HPSE2: variants seen among roughly 807,000 people sequenced by gnomAD.
HPSE2 encodes the protein heparanase 2 (inactive), also known as inactive heparanase-2.
Under a neutral mutation model 60.5 loss-of-function variants are expected in HPSE2, and 38 were observed. That is an observed-to-expected ratio of 0.63 (90% CI 0.48 to 0.82). The LOEUF (loss-of-function observed/expected upper bound fraction) is 0.82. Among genes scored for constraint, HPSE2 ranks in the 40% least tolerant of loss-of-function variants. The pLI is 0.00. For synonymous variants in HPSE2, 295 were observed against 293.2 expected (o/e 1.01, Z -0.06); for missense variants, 713 against 740.4 (o/e 0.96, Z 0.43).
intron 3 of HPSE2, among the ~76,000 whole-genome samples, chr10:99,121,492 TTTAAC>T (rs1351727634): frequency 1.3e-5 from 2 of 151,760 alleles, no homozygotes; most frequent in Admixed American, 6.6e-5. Flanking sequence ...AAAAAAAGTG[TTTAAC>T]TTAAAAGAAA....
At chr10:99,167,499 T>C (rs1319207354) in intron 2 of HPSE2, among the ~76,000 whole-genome samples, 1 of 152,240 alleles carries the variant, frequency 6.6e-6, no homozygotes, top group Non-Finnish European at 1.5e-5. Context: ...CCAATTTTTC[T>C]AGTCTCATTT....
intron 3 of HPSE2, among the ~76,000 whole-genome samples, chr10:99,057,210 A>T (rs949536): frequency 0.16 from 24,456 of 152,096 alleles, 2,292 homozygotes; most frequent in Admixed American, 0.23. Flanking sequence ...TTTTACTTCA[A>T]TTTTTTAAAG....
intron 3 of HPSE2, among the ~76,000 whole-genome samples, chr10:99,019,384 T>A (rs1340062681): frequency 6.6e-6 from 1 of 152,210 alleles, no homozygotes; most frequent in East Asian, 1.9e-4. Flanking sequence ...TAATTTCTCC[T>A]GCAGAATTCT....
intron 3 of HPSE2, among the ~76,000 whole-genome samples, chr10:98,778,298 A>AGAGAGAGAGAGAGAGAGAGAGAGAC (rs1950390952): frequency 3.4e-5 from 1 of 29,352 alleles, no homozygotes. Context: ...GAGAGAGAGA[A>AGAGAGAGAGAGAGAGAGAGAGAGAC]AGCAAGAAAG....
chr10:99,285,184 C>G, the HPSE2 span, among the ~76,000 whole-genome samples: 2 of 151,778 alleles, frequency 1.3e-5, no homozygotes, highest in African/African-American at 2.4e-5. Context: ...AATCCCAACA[C>G]TTTGGCAGGC....
chr10:99,265,909 G>A, the HPSE2 span, among the ~76,000 whole-genome samples: 1 of 152,168 alleles, frequency 6.6e-6, no homozygotes, highest in Non-Finnish European at 1.5e-5. Flanking sequence ...GACCTTACCT[G>A]GAGCAGAGAC....
intron 3 of HPSE2, among the ~76,000 whole-genome samples, chr10:98,881,341 G>A (rs867596154): frequency 6.6e-6 from 1 of 152,050 alleles, no homozygotes; most frequent in African/African-American, 2.4e-5. Flanking sequence ...TCAATGACAT[G>A]GATGAAGGTA....
chr10:99,146,712 T>A (rs989852228), intron 2 of HPSE2, among the ~76,000 whole-genome samples: 2 of 151,852 alleles, frequency 1.3e-5, no homozygotes, highest in Admixed American at 1.3e-4. Context: ...AATACAAAAA[T>A]TAGCTGGGCG....
chr10:99,142,065 T>C (rs1472267698), intron 3 of HPSE2, among the ~76,000 whole-genome samples: 4 of 152,198 alleles, frequency 2.6e-5, no homozygotes, highest in African/African-American at 9.6e-5. Flanking sequence ...TGTTCGCACA[T>C]AAATACTTTC....
chr10:99,066,649 T>C (rs1234610429), intron 3 of HPSE2, among the ~76,000 whole-genome samples: 1 of 152,116 alleles, frequency 6.6e-6, no homozygotes. Flanking sequence ...GAGAACAGTA[T>C]GGGGGAAACT....
intron 11 of HPSE2, among the ~76,000 whole-genome samples, chr10:98,479,472 C>G (rs552601365): frequency 6.6e-6 from 1 of 152,210 alleles, no homozygotes; most frequent in Admixed American, 6.5e-5. Flanking sequence ...TTCACTGAAA[C>G]CACACCCTTC....
chr10:98,971,837 G>A (rs1410197572), intron 3 of HPSE2, among the ~76,000 whole-genome samples: 3 of 152,042 alleles, frequency 2.0e-5, no homozygotes, highest in Admixed American at 6.6e-5. Context: ...TTCAAAGAGT[G>A]AGCATACCCT....
chr10:98,751,822 T>A (rs1949764864), intron 3 of HPSE2, among the ~76,000 whole-genome samples: 1 of 152,224 alleles, frequency 6.6e-6, no homozygotes, highest in African/African-American at 2.4e-5. Context: ...ATACTAGGGA[T>A]GACATCTTAA....
the HPSE2 span, among the ~76,000 whole-genome samples, chr10:99,311,684 A>G: frequency 6.6e-6 from 1 of 152,214 alleles, no homozygotes; most frequent in African/African-American, 2.4e-5. Flanking sequence ...AGTCCTAATA[A>G]TAACCCTACA....
At chr10:98,862,722 G>T (rs1038487382) in intron 3 of HPSE2, among the ~76,000 whole-genome samples, 2 of 152,152 alleles carry the variant, frequency 1.3e-5, no homozygotes, top group African/African-American at 4.8e-5. Context: ...AAGGAGGGGC[G>T]ATTAGGACTC....
intron 3 of HPSE2, among the ~76,000 whole-genome samples, chr10:98,876,505 A>C (rs1952881665): frequency 6.6e-6 from 1 of 151,968 alleles, no homozygotes; most frequent in African/African-American, 2.4e-5. Context: ...ATGATGAATT[A>C]ATGCATTTAA....
the HPSE2 span, among the ~76,000 whole-genome samples, chr10:99,259,611 C>A: frequency 6.6e-6 from 1 of 152,110 alleles, no homozygotes; most frequent in Non-Finnish European, 1.5e-5. Flanking sequence ...ATATGCAATA[C>A]CAAGATGTCA....
chr10:98,558,986 G>C (rs1055580794), intron 9 of HPSE2, among the ~76,000 whole-genome samples: 6 of 152,030 alleles, frequency 3.9e-5, no homozygotes, highest in Middle Eastern at 3.2e-3. Flanking sequence ...GCCTTTCTAG[G>C]CATCTGAGTT....
intron 5 of HPSE2, 72 bp downstream of exon 5, chr10:98,721,585 C>T: frequency 7.7e-7 from 1 of 1,299,150 alleles, no homozygotes; most frequent in Non-Finnish European, 1.1e-6. Context: ...AAATAAATAA[C>T]CAAGAGAAAT....
Sources: allele counts gnomAD v4.1 joint callset (sites outside exome capture counted in the v4.1 genomes callset), GRCh38; gene constraint gnomAD v4.1.1; transcripts MANE v1.5; gene names NCBI Gene and HGNC (gene_info 2026-07-23, HGNC 2026-07-21).